Variants in RIPOR1 observed in about 807,000 individuals in gnomAD.
RIPOR1 encodes rho family-interacting cell polarization regulator 1.
In RIPOR1, 58 loss-of-function variants were observed where a neutral mutation model predicts 116.5. The ratio of observed to expected loss-of-function variants is 0.50; its 90% CI spans 0.40 to 0.62. RIPOR1 has a LOEUF of 0.62. RIPOR1 is among the 20% of genes least tolerant of loss of function. RIPOR1 has a pLI of 0.00. For synonymous variants in RIPOR1, 605 were observed against 650.0 expected (o/e 0.93, Z 1.05); for missense variants, 1,372 against 1,586.2 (o/e 0.86, Z 2.29).
rs1350767123 is a variant in RIPOR1, at chr16:67,529,536, G to A, written c.-24+622G>A. 2 of 441,950 alleles carry A rather than the reference G, an allele frequency of 4.5e-6. No individual in the cohort carries two copies. Among genetic ancestry groups the A allele is most frequent in the African/African-American group, 2.0e-5 (1 of 49,396 alleles). The allele number at this position is 441,950 out of a possible 1,614,324, so 27.4% of individuals were successfully genotyped here. ...TTGGCGCAAGGTTCCTGCAACAGCC[G>A]GGCCTGGGCTCTCTGCAGAACTGGT... On this transcript the variant is annotated intron_variant, in intron 1 of 21. Transcript: ENST00000042381. This position sits in a 1 kb window ranked among gnomAD's most constrained non-coding sequence, Gnocchi z 4.1.
At chr16:67,527,191 A>C (rs2050547837), upstream of RIPOR1, among the ~76,000 whole-genome samples, 1 of 152,168 alleles carries the variant, frequency 6.6e-6, no homozygotes, top group Non-Finnish European at 1.5e-5. Context: ...TGAGAGGCCA[A>C]GGTGGGTGGA....
At chr16:67,523,669 A>T (rs574942696) in intron 1 of RIPOR1, among the ~76,000 whole-genome samples, 2 of 150,968 alleles carry the variant, frequency 1.3e-5, no homozygotes, top group Non-Finnish European at 2.9e-5. Context: ...AAATTCTGAA[A>T]AAACTACCCT....
Position 67,545,089 on chromosome 16 carries a change from C to T in RIPOR1, c.3003C>T (p.Ser1001=), listed in dbSNP as rs1452635014. The change falls in exon 17 of 22, where the codon TCC becomes TCT. Residue 1001 remains serine, a synonymous_variant. Coordinates refer to ENST00000042381, the MANE Select transcript of RIPOR1 (RefSeq NM_024519.4). The surrounding 1 kb of genome is among the most constrained non-coding windows in gnomAD (Gnocchi z 4.8). ...GCAACCAGTATGGTGCCCGCCTCTCCCTGCGCCAGCCAGGCTTGGCTGAGG... is the reference window on the plus strand; with the variant it reads ...GCAACCAGTATGGTGCCCGCCTCTCTCTGCGCCAGCCAGGCTTGGCTGAGG... ...TFCNQYGARL[S]LRQPGLAEAV... 6.2e-7 allele frequency: 1 copy of T among 1,613,188 alleles called. No homozygotes were observed. The highest frequency in any genetic ancestry group is 8.5e-7 in the Non-Finnish European group (1 of 1,180,024).
upstream of RIPOR1, among the ~76,000 whole-genome samples, chr16:67,524,846 C>A (rs2050526751): frequency 6.6e-6 from 1 of 152,258 alleles, no homozygotes; most frequent in African/African-American, 2.4e-5. Flanking sequence ...GAAATTGCAC[C>A]AGCCTCCTTG....
At chr16:67,532,452 G>A (rs568584129) in intron 1 of RIPOR1, among the ~76,000 whole-genome samples, 3 of 151,708 alleles carry the variant, frequency 2.0e-5, no homozygotes, top group East Asian at 1.9e-4. Context: ...GGGTGACAGC[G>A]TGAGACCTCG....
chr16:67,537,482 G>A lies in RIPOR1; in HGVS notation c.-23-942G>A. 1 of 1,253,800 alleles carries A rather than the reference G, an allele frequency of 8.0e-7. No homozygotes were observed. The highest frequency in any genetic ancestry group is 3.0e-5 in the South Asian group (1 of 33,296). 77.7% of individuals were successfully genotyped at this position (1,253,800 alleles called of 1,614,324 possible). A position where few individuals can be genotyped will look rare whatever the true frequency, so the allele number is the denominator to read the frequency against. On this transcript the variant is annotated intron_variant, in intron 1 of 21. Transcript: ENST00000042381. This position sits in a 1 kb window ranked among gnomAD's most constrained non-coding sequence, Gnocchi z 4.6. ...GAGCCGAAGCCGAGCCAGAGCCGCT[G>A]GGAGCGAGCCCGGAGCCCAGCCGGG...
In RIPOR1 at chr16:67,543,395, T is replaced by C. The variant is rs983490022; in HGVS notation, c.2526T>C (p.Thr842=). Residue 842 remains threonine, a synonymous_variant, in exon 14 of 22, where the codon ACT becomes ACC. Coordinates refer to ENST00000042381, the MANE Select transcript of RIPOR1 (RefSeq NM_024519.4). This position sits in a 1 kb window ranked among gnomAD's most constrained non-coding sequence, Gnocchi z 4.7. ...GCCGGGCCTCCAGTCTCAGCATCAC[T>C]GTGGAGCATGCCTTGGAGAGCTTCA... ...TRSRASSLSI[T]VEHALESFSF... 1.3e-5 allele frequency: 21 copies of C among 1,591,926 alleles called. No individual in the cohort carries two copies. Among genetic ancestry groups the C allele is most frequent in the Non-Finnish European group, 1.6e-5 (19 of 1,168,898 alleles).
At position 67,538,541 on chromosome 16, in the gene RIPOR1, G is replaced by A. The variant is rs770755744; in HGVS notation, c.95G>A (p.Arg32Gln). The change falls in exon 2 of 22, where the codon CGG becomes CAG. Residue 32 changes from arginine to glutamine, a missense_variant. Arg to Gln is a conservative substitution (Grantham distance 43, BLOSUM62 1). Transcript: ENST00000042381. ...SFAGVLGSHERGPRSFPVFSP... is the reference protein window; with the variant it reads ...SFAGVLGSHEQGPRSFPVFSP... ...GCAGGCGTCCTCGGCAGCCACGAGCGGGGGCCCAGGTACGCGGCCGCGCAG... is the reference window on the plus strand; with the variant it reads ...GCAGGCGTCCTCGGCAGCCACGAGCAGGGGCCCAGGTACGCGGCCGCGCAG... The A allele has an allele frequency of 2.5e-6, 4 of 1,611,854 alleles. No homozygotes were observed. In the African/African-American group the frequency reaches 5.3e-5, roughly 22 times the overall value.
chr16:67,540,260 T>G lies in RIPOR1; in HGVS notation c.568-40T>G. The G allele has an allele frequency of 6.2e-7, 1 of 1,613,718 alleles. No homozygotes were observed. Among genetic ancestry groups the G allele is most frequent in the Non-Finnish European group, 8.5e-7 (1 of 1,179,794 alleles). ...CACAGGGTGTGGCAGGGCTAGTGGCTGGCCCTTGACCCCCTCCTGTCCCTG... is the reference window on the plus strand; with the variant it reads ...CACAGGGTGTGGCAGGGCTAGTGGCGGGCCCTTGACCCCCTCCTGTCCCTG... On this transcript the variant is annotated intron_variant, in intron 7 of 21. Coordinates refer to ENST00000042381, the MANE Select transcript of RIPOR1 (RefSeq NM_024519.4). The surrounding 1 kb of genome is among the most constrained non-coding windows in gnomAD (Gnocchi z 4.7).
In RIPOR1 at chr16:67,540,746, G is replaced by A. The variant is rs749406655; in HGVS notation, c.801+42G>A. ...GGACGGCAGGCCACCATGGCCCTGT[G>A]AACCCCTTGTGACCCCCATTACCCT... is the stretch of plus-strand genomic sequence containing the variant. On this transcript the variant is annotated intron_variant, in intron 10 of 21. Transcript: ENST00000042381. The surrounding 1 kb of genome is among the most constrained non-coding windows in gnomAD (Gnocchi z 4.7). The A allele has an allele frequency of 6.5e-7, 1 of 1,546,382 alleles. No homozygotes were observed. The highest frequency in any genetic ancestry group is 8.7e-7 in the Non-Finnish European group (1 of 1,146,540).
chr16:67,545,379 G>A lies in RIPOR1; in HGVS notation c.3035G>A (p.Cys1012Tyr). The change falls in exon 18 of 22, where the codon TGT becomes TAT. Residue 1012 changes from cysteine (C) to tyrosine (Y), a missense_variant. Around this residue, in one of 3 missense-constraint regions of RIPOR1, gnomAD observed 1,005 missense variants for 1,144.7 expected, o/e 0.88. Coordinates refer to ENST00000042381, the MANE Select transcript of RIPOR1 (RefSeq NM_024519.4). The surrounding 1 kb of genome is among the most constrained non-coding windows in gnomAD (Gnocchi z 4.8). ...LRQPGLAEAV[C>Y]VKFLEDALGQ... ...CCCATGCTACTGCCTCCTGCAGTGT[G>A]TGTGAAGTTCCTGGAGGATGCCCTG... The A allele has an allele frequency of 1.2e-6, 2 of 1,613,854 alleles. No individual in the cohort carries two copies. The highest frequency in any genetic ancestry group is 1.7e-6 in the Non-Finnish European group (2 of 1,179,910).
In RIPOR1 at chr16:67,545,302, G is replaced by C. The variant is rs2142621920; in HGVS notation, c.3032-74G>C. On this transcript the variant is annotated intron_variant, in intron 17 of 21. Coordinates refer to ENST00000042381, the MANE Select transcript of RIPOR1 (RefSeq NM_024519.4). This position sits in a 1 kb window ranked among gnomAD's most constrained non-coding sequence, Gnocchi z 4.8. Reference sequence around the variant, plus strand: ...ACAGGGGGCCCCTGGACCTGAGCCTGGGATAGGAGCATCTCTCCCCTCTAA... The same window carrying C: ...ACAGGGGGCCCCTGGACCTGAGCCTCGGATAGGAGCATCTCTCCCCTCTAA... 1 of 1,565,808 alleles carries C rather than the reference G, an allele frequency of 6.4e-7. No homozygotes were observed. Among genetic ancestry groups the C allele is most frequent in the East Asian group, 2.3e-5 (1 of 44,408 alleles).
Position 67,539,879 on chromosome 16 carries a change from C to G in RIPOR1, c.394C>G (p.Leu132Val), listed in dbSNP as rs766973907. The G allele has an allele frequency of 6.2e-7, 1 of 1,614,222 alleles. No individual in the cohort carries two copies. Among genetic ancestry groups the G allele is most frequent in the South Asian group, 1.1e-5 (1 of 91,088 alleles). Residue 132 changes from leucine (L) to valine (V), a missense_variant, in exon 6 of 22, where the codon CTG becomes GTG. Leu to Val is a conservative substitution (Grantham distance 32). Around this residue, in one of 3 missense-constraint regions of RIPOR1, gnomAD observed 202 missense variants for 295.9 expected, o/e 0.68. Coordinates refer to ENST00000042381, the MANE Select transcript of RIPOR1 (RefSeq NM_024519.4). ...VKSIERFLRR[L>V]EFHASKIDEL... The stretch of plus-strand genomic sequence containing the variant: ...GTCCATTGAACGCTTCCTGCGACGA[C>G]TGGAGTTCCATGCCAGCAAGGTACG...
At position 67,542,547 on chromosome 16, in the gene RIPOR1, T is replaced by C. The variant is rs998037069; in HGVS notation, c.1761T>C (p.Pro587=). 6.2e-7 allele frequency: 1 copy of C among 1,613,426 alleles called. No homozygotes were observed. Among genetic ancestry groups the C allele is most frequent in the Non-Finnish European group, 8.5e-7 (1 of 1,179,862 alleles). ...PIISTLTTTG[P]TLNIIGPVQT... is the part of the protein sequence containing the mutation. The stretch of plus-strand genomic sequence containing the variant: ...TCTCTACCCTTACTACTACAGGCCC[T>C]ACCCTCAATATCATAGGCCCAGTCC... Residue 587 remains proline (P), a synonymous_variant, in exon 13 of 22, where the codon CCT becomes CCC. Transcript: ENST00000042381. The surrounding 1 kb of genome is among the most constrained non-coding windows in gnomAD (Gnocchi z 4.6).
intron 1 of RIPOR1, among the ~76,000 whole-genome samples, chr16:67,534,871 C>T (rs2050755414): frequency 7.7e-6 from 1 of 129,088 alleles, no homozygotes; most frequent in African/African-American, 3.0e-5. Context: ...GAGACAGACT[C>T]CCGCTCTGTC....
rs7205402 is a variant in RIPOR1 at position 67,523,292 on chromosome 16, G to A, written c.-24+4679G>A. Reference sequence around the variant, plus strand: ...AAACAAGCCAGTACTTTGGGAGGCCGAGGCAGGTGGATCACCTGAGGTCAG... The same window carrying A: ...AAACAAGCCAGTACTTTGGGAGGCCAAGGCAGGTGGATCACCTGAGGTCAG... On this transcript the variant is annotated intron_variant, in intron 1 of 1. Transcript: ENST00000562116. Among the ~76,000 whole-genome samples the A allele has an allele frequency of 3.7e-4, 56 of 152,108 alleles. 1 individual carries two copies. In the East Asian group the frequency reaches 0.01, roughly 28 times the overall value.
At position 67,543,619 on chromosome 16, in the gene RIPOR1, C is replaced by A; in HGVS notation, c.2600+150C>A. On this transcript the variant is annotated intron_variant, in intron 14 of 21. Coordinates refer to ENST00000042381, the MANE Select transcript of RIPOR1 (RefSeq NM_024519.4). This position sits in a 1 kb window ranked among gnomAD's most constrained non-coding sequence, Gnocchi z 4.7. ...GGTGGAGCATGTGAGGACTGAGTTGCTGGCAGGTGCACCTGTGTCCACCCC... is the reference window on the plus strand; with the variant it reads ...GGTGGAGCATGTGAGGACTGAGTTGATGGCAGGTGCACCTGTGTCCACCCC... 9.0e-7 allele frequency: 1 copy of A among 1,106,210 alleles called. No homozygotes were observed. Among genetic ancestry groups the A allele is most frequent in the Non-Finnish European group, 1.3e-6 (1 of 774,792 alleles). 68.5% of individuals were successfully genotyped at this position (1,106,210 alleles called of 1,614,324 possible).
In RIPOR1 at chr16:67,541,961, G is replaced by A. The variant is rs2051000049; in HGVS notation, c.1175G>A (p.Gly392Asp). The part of the protein sequence containing the change: ...SDDSSSPQLS[G>D]TARHSPAPRP... ...GACTCATCCAGCCCACAGCTCTCAG[G>A]CACTGCCCGCCACTCACCAGCCCCT... The change falls in exon 13 of 22, where the codon GGC (glycine) becomes GAC (aspartate). Residue 392 changes from glycine to aspartate, a missense_variant. Gly to Asp is a moderately conservative substitution (Grantham distance 94). Transcript: ENST00000042381. This position sits in a 1 kb window ranked among gnomAD's most constrained non-coding sequence, Gnocchi z 4.6. 6.2e-7 allele frequency: 1 copy of A among 1,611,858 alleles called. No homozygotes were observed.
Position 67,537,694 on chromosome 16 carries a change from G to T in RIPOR1, c.-23-730G>T, listed in dbSNP as rs1425291479. ...GGAGTGTGTGTTTCGCCGAAGCGGG[G>T]TGGGGGTCTGCCGAGGAGCTCTCCC... On this transcript the variant is annotated intron_variant, in intron 1 of 21. Transcript: ENST00000042381. The surrounding 1 kb of genome is among the most constrained non-coding windows in gnomAD (Gnocchi z 4.6). 19 of 849,404 alleles carry T rather than the reference G, an allele frequency of 2.2e-5. No homozygotes were observed. Among genetic ancestry groups the T allele is most frequent in the Non-Finnish European group, 3.1e-5 (19 of 620,360 alleles). The allele number at this position is 849,404 out of a possible 1,614,324, so 52.6% of individuals were successfully genotyped here.
Sources: allele counts gnomAD v4.1 joint callset (sites outside exome capture counted in the v4.1 genomes callset), GRCh38; gene constraint gnomAD v4.1.1; regional missense constraint gnomAD v4.1.1; non-coding constraint Gnocchi (gnomAD v3.1); transcripts MANE v1.5; gene names NCBI Gene and HGNC (gene_info 2026-07-23, HGNC 2026-07-21).